TMEM232: variants seen among roughly 807,000 people sequenced by gnomAD.
The protein encoded by TMEM232 is transmembrane protein 232.
Under a neutral mutation model 78.8 loss-of-function variants are expected in TMEM232, and 80 were observed. That is an observed-to-expected ratio of 1.01 (90% confidence interval 0.85 to 1.22). TMEM232 has a LOEUF of 1.22. Ranked by LOEUF, TMEM232 falls within the 50% of genes most tolerant of loss-of-function variation. TMEM232 has a pLI of 0.00. For synonymous variants in TMEM232, 297 were observed against 254.3 expected (o/e 1.17, Z -1.60); for missense variants, 881 against 742.2 (o/e 1.19, Z -2.17).
intron 12 of TMEM232, among the ~76,000 whole-genome samples, chr5:110,518,537 G>A (rs1161192840): frequency 6.6e-6 from 1 of 151,894 alleles, no homozygotes; most frequent in Non-Finnish European, 1.5e-5. Context: ...ATTTATTTCT[G>A]CACACAAGAC....
intron 10 of TMEM232, among the ~76,000 whole-genome samples, chr5:110,593,677 C>CA (rs1322863912): frequency 6.6e-6 from 1 of 151,846 alleles, no homozygotes; most frequent in African/African-American, 2.4e-5. Context: ...CTTGAAAGGG[C>CA]AATAGGGTGA....
chr5:110,405,709 C>T lies in TMEM232; in HGVS notation n.309-7855G>A, dbSNP rs111910515. ...AACTCAAAGATGGATCAATATAAAA[C>T]ATCAAACTGAAGGACACAGTTTAAA... On this transcript the variant is annotated intron_variant and non_coding_transcript_variant, in intron 2 of 8. Transcript: ENST00000507188. Among the ~76,000 whole-genome samples, 331 of 141,492 alleles carry T rather than the reference C, an allele frequency of 2.3e-3. 1 individual carries two copies. Among genetic ancestry groups the T allele is most frequent in the African/African-American group, 8.3e-3 (315 of 38,128 alleles). The allele number at this position is 141,492 out of a possible 152,430, so 92.8% of individuals were successfully genotyped here.
At chr5:110,391,290 A>AATGT (rs1554071669) in intron 3 of TMEM232, among the ~76,000 whole-genome samples, 2 of 36,678 alleles carry the variant, frequency 5.5e-5, no homozygotes, top group East Asian at 1.7e-3. Context: ...CTCCCGTTTG[A>AATGT]ATGTGTGTGT....
intron 12 of TMEM232, among the ~76,000 whole-genome samples, chr5:110,463,854 T>C (rs1761797294): frequency 6.6e-6 from 1 of 152,202 alleles, no homozygotes; most frequent in Admixed American, 6.5e-5. Context: ...TTTCCCTGTA[T>C]TTCATCTTTA....
intron 12 of TMEM232, among the ~76,000 whole-genome samples, chr5:110,494,609 A>G (rs914044099): frequency 2.0e-5 from 3 of 152,084 alleles, no homozygotes; most frequent in Admixed American, 2.0e-4. Flanking sequence ...GGTATAGTCT[A>G]GAAAAACAGT....
At chr5:110,674,400 G>A (rs1172290518) in intron 1 of TMEM232, among the ~76,000 whole-genome samples, 1 of 152,166 alleles carries the variant, frequency 6.6e-6, no homozygotes, top group Non-Finnish European at 1.5e-5. Context: ...AGCAAATAAT[G>A]ACGAAGTTAT....
intron 8 of TMEM232, among the ~76,000 whole-genome samples, chr5:110,616,518 C>T (rs571421279): frequency 6.6e-6 from 1 of 151,738 alleles, no homozygotes; most frequent in South Asian, 2.1e-4. Context: ...CATTTTTAAC[C>T]CATATATTTA....
intron 2 of TMEM232, among the ~76,000 whole-genome samples, chr5:110,654,627 G>T (rs1191220812): frequency 6.6e-6 from 1 of 152,186 alleles, no homozygotes; most frequent in African/African-American, 2.4e-5. Flanking sequence ...ACTTGGTGAT[G>T]TGGGCTCTTT....
intron 12 of TMEM232, among the ~76,000 whole-genome samples, chr5:110,461,631 T>C (rs1431599171): frequency 2.0e-5 from 3 of 152,214 alleles, no homozygotes; most frequent in Non-Finnish European, 2.9e-5. Context: ...TGGACTTTCA[T>C]AGCTGGAAAG....
chr5:110,510,845 G>C (rs900029699), intron 12 of TMEM232, among the ~76,000 whole-genome samples: 1 of 152,186 alleles, frequency 6.6e-6, no homozygotes, highest in Non-Finnish European at 1.5e-5. Context: ...CACTGTTGGT[G>C]AGAGTGTAAA....
intron 2 of TMEM232, among the ~76,000 whole-genome samples, chr5:110,664,961 T>C (rs1580571323): frequency 6.6e-6 from 1 of 152,194 alleles, no homozygotes; most frequent in Non-Finnish European, 1.5e-5. Context: ...TTTAGCATAA[T>C]ATATGTTACT....
intron 12 of TMEM232, among the ~76,000 whole-genome samples, chr5:110,457,762 G>A (rs114859176): frequency 0.012 from 1,816 of 152,174 alleles, 32 homozygotes; most frequent in African/African-American, 0.041. Flanking sequence ...AAGAAAGAAT[G>A]TAGGTGCTAT....
chr5:110,458,393 G>A (rs1761127556), intron 12 of TMEM232, among the ~76,000 whole-genome samples: 3 of 152,162 alleles, frequency 2.0e-5, no homozygotes, highest in Admixed American at 6.6e-5. Context: ...CAATCTGGCA[G>A]GGGGCTTAAC....
downstream of TMEM232, among the ~76,000 whole-genome samples, chr5:110,416,156 C>T (rs1291419397): frequency 6.6e-6 from 1 of 152,078 alleles, no homozygotes; most frequent in Non-Finnish European, 1.5e-5. Flanking sequence ...TCTAAGTTTC[C>T]AAATGCATTC....
intron 7 of TMEM232, among the ~76,000 whole-genome samples, chr5:110,620,577 ATCTCTCTCTCTCTCTCTCTCTC>A (rs66736608): frequency 0.015 from 666 of 43,140 alleles, 6 homozygotes; most frequent in Admixed American, 0.019. Context: ...TGTCTCTCAT[ATCTCTCTCTCTCTCTCTCTCTC>A]TCTCTCTCTC....
chr5:110,607,623 A>G (rs537967903), intron 8 of TMEM232, among the ~76,000 whole-genome samples: 24 of 151,994 alleles, frequency 1.6e-4, no homozygotes, highest in Non-Finnish European at 3.4e-4. Context: ...TATCTAATTT[A>G]TATTTCAGTA....
At chr5:110,566,013 T>G (rs1776299918) in intron 11 of TMEM232, among the ~76,000 whole-genome samples, 1 of 151,946 alleles carries the variant, frequency 6.6e-6, no homozygotes, top group Non-Finnish European at 1.5e-5. Context: ...TCCAATTACT[T>G]TCTTATAATC....
At chr5:110,686,941 A>G (rs948517619) in intron 1 of TMEM232, among the ~76,000 whole-genome samples, 1 of 152,122 alleles carries the variant, frequency 6.6e-6, no homozygotes, top group Non-Finnish European at 1.5e-5. Flanking sequence ...GTAGCATCAC[A>G]TCACTGGGGA....
At chr5:110,597,081 GT>G (rs1312003935) in intron 10 of TMEM232, among the ~76,000 whole-genome samples, 2 of 152,150 alleles carry the variant, frequency 1.3e-5, no homozygotes, top group African/African-American at 4.8e-5. Flanking sequence ...AATTGTCCCT[GT>G]TTGCAGACGA....
Sources: gnomAD v4.1 joint callset for allele counts (sites outside exome capture counted in the v4.1 genomes callset) on GRCh38, gnomAD v4.1.1 for gene constraint, MANE v1.5 for transcripts, NCBI Gene and HGNC (gene_info 2026-07-23, HGNC 2026-07-21) for gene names.